Variants in BEAN1 observed in about 807,000 individuals in gnomAD.
The protein encoded by BEAN1 is brain expressed associated with NEDD4 1, also known as protein BEAN1.
Under a neutral mutation model 17.7 loss-of-function variants are expected in BEAN1, and 17 were observed. The ratio of observed to expected loss-of-function variants is 0.96; its 90% CI spans 0.66 to 1.44. The LOEUF (loss-of-function observed/expected upper bound fraction) is 1.44, where lower values mean the gene tolerates loss of function less well. BEAN1 is among the 40% of genes most tolerant of loss of function. The probability of loss-of-function intolerance (pLI) is 0.00; values close to 1 mark genes in which losing one functional copy is unlikely to be tolerated. For missense variants in BEAN1, 359 were observed against 374.1 expected, an observed-to-expected ratio of 0.96 and a Z score of 0.33; for synonymous variants, 142 against 151.8, an observed-to-expected ratio of 0.94 and a Z score of 0.47.
chr16:66,484,806 C>T (rs1292560802), downstream of BEAN1: 1 of 454,012 alleles, frequency 2.2e-6, no homozygotes, highest in African/African-American at 2.0e-5. This position sits in a 1 kb window ranked among gnomAD's most constrained non-coding sequence, Gnocchi z 4.2. Flanking sequence ...CAAAGTGACG[C>T]CCGCCCTCAG....
chr16:66,493,433 G>A (rs1964205350), exon 5 of BEAN1: 1 of 613,120 alleles, frequency 1.6e-6, no homozygotes, highest in East Asian at 2.7e-5. Flanking sequence ...TGGCTCTCCA[G>A]TCCTCTAGGG....
chr16:66,470,232 A>G (rs1963432486), intron 3 of BEAN1, among the ~76,000 whole-genome samples: 1 of 150,822 alleles, frequency 6.6e-6, no homozygotes, highest in African/African-American at 2.4e-5. Flanking sequence ...GGGTGGAGAG[A>G]TGAGTGGATG....
chr16:66,481,732 A>G lies in BEAN1; in HGVS notation c.*807A>G, dbSNP rs1408540858. On this transcript the variant is annotated 3_prime_UTR_variant, in exon 5 of 5. Transcript: ENST00000536005. The surrounding 1 kb of genome is among the most constrained non-coding windows in gnomAD (Gnocchi z 4.1). ...ATCAGTCCAGCCACTGCCCAGGACT[A>G]AGGGTCTTCAAGGAAGATGAGGCCA... 1 of 153,530 alleles carries G rather than the reference A, an allele frequency of 6.5e-6. No homozygotes were observed. Among genetic ancestry groups the G allele is most frequent in the East Asian group, 1.9e-4 (1 of 5,224 alleles). 9.5% of individuals were successfully genotyped at this position (153,530 alleles called of 1,614,324 possible). A position where few individuals can be genotyped will look rare whatever the true frequency, so the allele number is the denominator to read the frequency against.
chr16:66,472,489 A>G (rs972785893), intron 3 of BEAN1, among the ~76,000 whole-genome samples: 2 of 152,212 alleles, frequency 1.3e-5, no homozygotes, highest in African/African-American at 4.8e-5. Flanking sequence ...GGATCATCTG[A>G]AGTCAGGAGT....
rs1184816540 is a variant in BEAN1, at chr16:66,479,313, A to G, written c.441-1273A>G. On this transcript the variant is annotated intron_variant, in intron 4 of 4. Coordinates refer to ENST00000536005, the MANE Select transcript of BEAN1 (RefSeq NM_001178020.3). ...CTGCTTCTGATGGAGGTGGAGGTGC[A>G]CAGATGCCCTGGGGGTGCCTGGGAG... 1.3e-5 allele frequency among the ~76,000 whole-genome samples: 2 copies of G among 152,086 alleles called. 1 individual carries two copies. Among genetic ancestry groups the G allele is most frequent in the African/African-American group, 4.8e-5 (2 of 41,402 alleles).
chr16:66,478,921 G>A (rs94163), intron 4 of BEAN1: 23,481 of 152,326 alleles, frequency 0.15, 2,761 homozygotes, highest in African/African-American at 0.33. Flanking sequence ...AGAGGCAGGC[G>A]AGCACGCGTG....
intron 2 of BEAN1, among the ~76,000 whole-genome samples, chr16:66,440,830 T>C (rs1476349979): frequency 1.3e-5 from 2 of 152,208 alleles, no homozygotes; most frequent in Admixed American, 6.5e-5. Context: ...ATTCTTTGTC[T>C]TCCTCTCTAG....
intron 1 of BEAN1, among the ~76,000 whole-genome samples, chr16:66,430,707 A>T (rs1961762816): frequency 6.6e-6 from 1 of 152,030 alleles, no homozygotes; most frequent in Admixed American, 6.6e-5. Flanking sequence ...TCTTCTCTCC[A>T]TTTTTCTCTA....
rs1355615656 is a variant in BEAN1, at chr16:66,471,429, C to T, written c.289+1564C>T. On this transcript the variant is annotated intron_variant, in intron 3 of 4. Transcript: ENST00000536005. This position sits in a 1 kb window ranked among gnomAD's most constrained non-coding sequence, Gnocchi z 4.7. The stretch of plus-strand genomic sequence containing the variant: ...CCACAGGCTGCCCCGCTGCACAGCA[C>T]TGCCCAGGAAGGGAGCTGGAGGTGT... Among the ~76,000 whole-genome samples, 10 of 152,240 alleles carry T rather than the reference C, an allele frequency of 6.6e-5. No homozygotes were observed. Among genetic ancestry groups the T allele is most frequent in the Admixed American group, 6.5e-4 (10 of 15,290 alleles).
At chr16:66,457,066 A>C (rs1647735520) in intron 2 of BEAN1, among the ~76,000 whole-genome samples, 1 of 152,226 alleles carries the variant, frequency 6.6e-6, no homozygotes, top group African/African-American at 2.4e-5. Context: ...AGCAGGGAAC[A>C]GTGCCAGGGC....
chr16:66,442,172 C>A lies in BEAN1; in HGVS notation c.25+4471C>A, dbSNP rs111275805. Among the ~76,000 whole-genome samples the A allele has an allele frequency of 6.4e-3, 973 of 152,326 alleles. 7 individuals are homozygous for A. Among genetic ancestry groups the A allele is most frequent in the African/African-American group, 0.02 (836 of 41,564 alleles). On this transcript the variant is annotated intron_variant, in intron 2 of 4. Transcript: ENST00000536005. ...AGCCTTCAGAGGACCTGCCTCAAGCCTTGAGTGAGTAGGAGAACCAGCCTG... is the reference window on the plus strand; with the variant it reads ...AGCCTTCAGAGGACCTGCCTCAAGCATTGAGTGAGTAGGAGAACCAGCCTG...
chr16:66,480,030 G>A (rs933008011), intron 4 of BEAN1, among the ~76,000 whole-genome samples: 6 of 152,132 alleles, frequency 3.9e-5, no homozygotes, highest in African/African-American at 1.4e-4. Context: ...CTCCAGCCCT[G>A]GATGAATGGC....
chr16:66,487,114 G>A (rs1258796288), downstream of BEAN1, among the ~76,000 whole-genome samples: 1 of 152,214 alleles, frequency 6.6e-6, no homozygotes, highest in East Asian at 1.9e-4. Context: ...ACTGAGGGCA[G>A]TCTGTGACTT....
Position 66,471,681 on chromosome 16 carries a change from T to A in BEAN1, c.289+1816T>A, listed in dbSNP as rs1231916262. On this transcript the variant is annotated intron_variant, in intron 3 of 4. Transcript: ENST00000536005. The surrounding 1 kb of genome is among the most constrained non-coding windows in gnomAD (Gnocchi z 4.7). Reference sequence around the variant, plus strand: ...GGAAAGACACAGCAGGCTAGTGGACTGTTCTCACTGTCCAACAATGAGGAT... The same window carrying A: ...GGAAAGACACAGCAGGCTAGTGGACAGTTCTCACTGTCCAACAATGAGGAT... Among the ~76,000 whole-genome samples, 3 of 152,240 alleles carry A rather than the reference T, an allele frequency of 2.0e-5. No individual in the cohort carries two copies. The highest frequency in any genetic ancestry group is 4.4e-5 in the Non-Finnish European group (3 of 68,044).
Position 66,469,783 on chromosome 16 carries a change from G to GCACCGC in BEAN1, c.218_223dup (p.Arg73_His74dup), listed in dbSNP as rs1567501940. 3 of 1,535,894 alleles carry GCACCGC rather than the reference G, an allele frequency of 2.0e-6. No individual in the cohort carries two copies. In the South Asian group the frequency reaches 3.6e-5, roughly 18 times the overall value. ...GGGACAGGCAGGCCCGGCTTCAGCGGCACCGCCACCGCCACCACCGCCACC... is the reference window on the plus strand; with the variant it reads ...GGGACAGGCAGGCCCGGCTTCAGCGGCACCGCCACCGCCACCGCCACCACCGCCACC... On this transcript the variant is annotated inframe_insertion, in exon 3 of 5. Transcript: ENST00000536005.
rs1184222328 is a variant in BEAN1, at chr16:66,427,515, G to A, written c.-83+84G>A. ...TTCCCCCGCGCTCTGCGGTGGTACCGGCGAACGACACACCCGGGGGCGCGC... is the reference window on the plus strand; with the variant it reads ...TTCCCCCGCGCTCTGCGGTGGTACCAGCGAACGACACACCCGGGGGCGCGC... On this transcript the variant is annotated intron_variant, in intron 1 of 4. Transcript: ENST00000536005. The surrounding 1 kb of genome is among the most constrained non-coding windows in gnomAD (Gnocchi z 4.7). 1 of 151,468 alleles carries A rather than the reference G, an allele frequency of 6.6e-6. No homozygotes were observed. Among genetic ancestry groups the A allele is most frequent in the South Asian group, 2.1e-4 (1 of 4,782 alleles). 9.4% of individuals were successfully genotyped at this position (151,468 alleles called of 1,614,324 possible). A position where few individuals can be genotyped will look rare whatever the true frequency, so the allele number is the denominator to read the frequency against.
intron 4 of BEAN1, among the ~76,000 whole-genome samples, chr16:66,488,823 T>TC (rs1005184534): frequency 6.6e-6 from 1 of 152,068 alleles, no homozygotes. Context: ...AAATGAATTC[T>TC]CCCCAAAGGA....
chr16:66,462,194 T>G (rs1963111709), intron 2 of BEAN1, among the ~76,000 whole-genome samples: 1 of 152,164 alleles, frequency 6.6e-6, no homozygotes, highest in Admixed American at 6.5e-5. Flanking sequence ...TTAAACTGAC[T>G]CCATTTGCCT....
chr16:66,480,393 C>T (rs1366895030), intron 4 of BEAN1, among the ~76,000 whole-genome samples, 193 bp from the exon 5 acceptor site: 3 of 152,166 alleles, frequency 2.0e-5, no homozygotes, highest in Non-Finnish European at 2.9e-5. Context: ...GTCCCAAATC[C>T]AGGTCCCAGG....
Sources: allele counts gnomAD v4.1 joint callset (sites outside exome capture counted in the v4.1 genomes callset), GRCh38; gene constraint gnomAD v4.1.1; non-coding constraint Gnocchi (gnomAD v3.1); transcripts MANE v1.5; gene names NCBI Gene and HGNC (gene_info 2026-07-23, HGNC 2026-07-21).